The following GNG7 variants were observed in gnomAD, a reference collection of about 807,000 sequenced individuals.
GNG7 encodes the protein G protein subunit gamma 7, also known as guanine nucleotide-binding protein G(I)/G(S)/G(O) subunit gamma-7.
Under a neutral mutation model 4.0 loss-of-function variants are expected in GNG7, and 1 was observed. That is an observed-to-expected ratio of 0.25 (90% CI 0.09 to 1.18). GNG7 has a LOEUF of 1.18. Ranked by LOEUF, GNG7 falls within the 50% of genes most tolerant of loss-of-function variation. GNG7 has a pLI of 0.50. For synonymous variants in GNG7, 34 were observed against 36.9 expected (o/e 0.92, Z 0.29); for missense variants, 86 against 91.9 (o/e 0.94, Z 0.26).
chr19:2,627,067 C>A (rs1982039745), intron 2 of GNG7, among the ~76,000 whole-genome samples: 1 of 152,198 alleles, frequency 6.6e-6, no homozygotes, highest in Non-Finnish European at 1.5e-5. Flanking sequence ...TCTTCCCACT[C>A]AGGTGTGGAT....
At chr19:2,586,421 GA>G (rs1980674669) in intron 2 of GNG7, among the ~76,000 whole-genome samples, 1 of 152,204 alleles carries the variant, frequency 6.6e-6, no homozygotes, top group African/African-American at 2.4e-5. Flanking sequence ...CGCAAATGGG[GA>G]ATCTGGGATG....
At position 2,512,740 on chromosome 19, in the gene GNG7, G is replaced by T. The variant is rs977546776; in HGVS notation, c.*2282C>A. The T allele has an allele frequency of 1.5e-5, 4 of 265,170 alleles. No individual in the cohort carries two copies. Among genetic ancestry groups the T allele is most frequent in the Admixed American group, 6.5e-5 (1 of 15,426 alleles). The allele number at this position is 265,170 out of a possible 1,614,324, so 16.4% of individuals were successfully genotyped here. A position where few individuals can be genotyped will look rare whatever the true frequency, so the allele number is the denominator to read the frequency against. On this transcript the variant is annotated 3_prime_UTR_variant, in exon 5 of 5. Transcript: ENST00000382159. This position sits in a 1 kb window ranked among gnomAD's most constrained non-coding sequence, Gnocchi z 4.7. ...TGGCAGCGGGGGCTCGGGGATTAAG[G>T]CCTCTTTTAAGGAAAAACGGGGTGG...
In GNG7 at chr19:2,626,175, C is replaced by T. The variant is rs908539639; in HGVS notation, c.-78+20049G>A. Among the ~76,000 whole-genome samples, 3 of 152,106 alleles carry T rather than the reference C, an allele frequency of 2.0e-5. No homozygotes were observed. Among genetic ancestry groups the T allele is most frequent in the Admixed American group, 1.3e-4 (2 of 15,272 alleles). On this transcript the variant is annotated intron_variant, in intron 2 of 4. Transcript: ENST00000382159. This position sits in a 1 kb window ranked among gnomAD's most constrained non-coding sequence, Gnocchi z 5.0. ...TTACCAAACAGAAGCAGAGAGTGACCGCGGGTGCCCACCTGACCCCGTGTC... is the reference window on the plus strand; with the variant it reads ...TTACCAAACAGAAGCAGAGAGTGACTGCGGGTGCCCACCTGACCCCGTGTC...
At chr19:2,680,235 C>A (rs146570435) in intron 1 of GNG7, among the ~76,000 whole-genome samples, 1,729 of 150,928 alleles carry the variant, frequency 0.011, 31 homozygotes, top group African/African-American at 0.04. Context: ...ACAACCTCCA[C>A]CTCCCAGGTT....
chr19:2,581,203 C>A (rs72974901), intron 2 of GNG7, among the ~76,000 whole-genome samples: 3 of 151,902 alleles, frequency 2.0e-5, no homozygotes, highest in Non-Finnish European at 2.9e-5. Flanking sequence ...CGCCGCAGGC[C>A]CAGCCTGAAA....
intron 2 of GNG7, among the ~76,000 whole-genome samples, chr19:2,566,409 C>T (rs1316300380): frequency 1.3e-5 from 2 of 152,122 alleles, no homozygotes; most frequent in African/African-American, 2.4e-5. Context: ...CTTGGACTTC[C>T]GGTCTCCAGA....
intron 3 of GNG7, among the ~76,000 whole-genome samples, chr19:2,551,704 G>A (rs1242682509): frequency 1.2e-5 from 1 of 84,336 alleles, no homozygotes; most frequent in Non-Finnish European, 2.1e-5. Flanking sequence ...CATATTTTGA[G>A]ACAGAGTCTC....
At chr19:2,560,013 G>A (rs887885928) in intron 2 of GNG7, among the ~76,000 whole-genome samples, 15 of 152,080 alleles carry the variant, frequency 9.9e-5, no homozygotes, top group African/African-American at 2.9e-4. Context: ...CGCAAACCCC[G>A]AGGCTCTCGC....
At chr19:2,526,606 A>G (rs1978404480) in intron 3 of GNG7, among the ~76,000 whole-genome samples, 1 of 139,608 alleles carries the variant, frequency 7.2e-6, no homozygotes, top group Admixed American at 7.3e-5. Flanking sequence ...TGTATTACTA[A>G]TATATAGTTT....
At position 2,611,244 on chromosome 19, in the gene GNG7, G is replaced by GTC. The variant is rs1012500317; in HGVS notation, c.-78+34978_-78+34979dup. The stretch of plus-strand genomic sequence containing the variant: ...ATGACTGGGAGCTGGTATCGCGAAT[G>GTC]TCTACACGCAGACTGACTTCAGGGG... On this transcript the variant is annotated intron_variant, in intron 2 of 4. Coordinates refer to ENST00000382159, the MANE Select transcript of GNG7 (RefSeq NM_052847.3). The surrounding 1 kb of genome is among the most constrained non-coding windows in gnomAD (Gnocchi z 6.0). 3.3e-5 allele frequency: 5 copies of GTC among 152,306 alleles called. No homozygotes were observed. The highest frequency in any genetic ancestry group is 7.3e-5 in the Non-Finnish European group (5 of 68,122). 9.4% of individuals were successfully genotyped at this position (152,306 alleles called of 1,614,324 possible).
intron 3 of GNG7, among the ~76,000 whole-genome samples, chr19:2,534,458 C>G (rs1303589876): frequency 1.3e-5 from 2 of 152,228 alleles, no homozygotes; most frequent in African/African-American, 4.8e-5. Flanking sequence ...TCAATTCCCA[C>G]TGCTAGGAAT....
chr19:2,660,581 A>G (rs1190684115), intron 1 of GNG7, among the ~76,000 whole-genome samples: 1 of 150,884 alleles, frequency 6.6e-6, no homozygotes, highest in Non-Finnish European at 1.5e-5. Flanking sequence ...CAGCCTGGGC[A>G]ACATAGTGAG....
intron 2 of GNG7, among the ~76,000 whole-genome samples, chr19:2,565,305 A>G (rs976731555): frequency 2.6e-5 from 4 of 151,900 alleles, no homozygotes; most frequent in African/African-American, 9.7e-5. Flanking sequence ...AGGTCAGGAG[A>G]TCGAGACCAG....
intron 2 of GNG7, among the ~76,000 whole-genome samples, chr19:2,622,866 A>C (rs1981919986): frequency 6.6e-6 from 1 of 152,262 alleles, no homozygotes; most frequent in Non-Finnish European, 1.5e-5. Context: ...GCAACGTGGC[A>C]GAGAGGAGGG....
In GNG7 at chr19:2,526,725, TTACA is replaced by T. The variant is rs1454213503; in HGVS notation, c.-37-6004_-37-6001del. ...TATAGTTTGATTTCTATTTTGACAT[TTACA>T]TTGTTTGCTATTGATTTTATATTTG... On this transcript the variant is annotated intron_variant, in intron 3 of 4. Transcript: ENST00000382159. 4.3e-4 allele frequency among the ~76,000 whole-genome samples: 65 copies of T among 150,024 alleles called. 1 individual carries two copies. Among genetic ancestry groups the T allele is most frequent in the Admixed American group, 1.5e-3 (22 of 15,028 alleles).
intron 2 of GNG7, among the ~76,000 whole-genome samples, chr19:2,593,784 CTT>C (rs71178294): frequency 7.9e-5 from 11 of 139,542 alleles, no homozygotes; most frequent in Non-Finnish European, 1.5e-4. Context: ...CGGGGTAGCA[CTT>C]TTTTTTTTTT....
In GNG7 at chr19:2,626,714, C is replaced by T. The variant is rs1344646284; in HGVS notation, c.-78+19510G>A. 2.0e-5 allele frequency among the ~76,000 whole-genome samples: 3 copies of T among 152,194 alleles called. No individual in the cohort carries two copies. The highest frequency in any genetic ancestry group is 1.5e-5 in the Non-Finnish European group (1 of 68,034). On this transcript the variant is annotated intron_variant, in intron 2 of 4. Transcript: ENST00000382159. This position sits in a 1 kb window ranked among gnomAD's most constrained non-coding sequence, Gnocchi z 5.0. Reference sequence around the variant, plus strand: ...GGTCTCAACTGGGGTAATTCTGTCCCCTCAGGGGACACTGGGCGGTGTCGG... The same window carrying T: ...GGTCTCAACTGGGGTAATTCTGTCCTCTCAGGGGACACTGGGCGGTGTCGG...
chr19:2,569,434 C>G (rs940897479), intron 2 of GNG7, among the ~76,000 whole-genome samples: 1 of 152,146 alleles, frequency 6.6e-6, no homozygotes, highest in African/African-American at 2.4e-5. Context: ...CGCCACCACA[C>G]CCGGCTAATT....
At chr19:2,665,947 C>T (rs1983298425) in intron 1 of GNG7, among the ~76,000 whole-genome samples, 2 of 152,060 alleles carry the variant, frequency 1.3e-5, no homozygotes, top group African/African-American at 4.8e-5. Flanking sequence ...TGGCTCACTG[C>T]CTCTGCCTCC....
Sources: allele counts gnomAD v4.1 joint callset (sites outside exome capture counted in the v4.1 genomes callset), GRCh38; gene constraint gnomAD v4.1.1; non-coding constraint Gnocchi (gnomAD v3.1); transcripts MANE v1.5; gene names NCBI Gene and HGNC (gene_info 2026-07-23, HGNC 2026-07-21).